GAN: variants seen among roughly 807,000 people sequenced by gnomAD.
GAN encodes the protein epididymis secretory sperm binding protein.
A neutral mutation model predicts 71.3 loss-of-function variants in GAN; 48 were observed. That is an observed-to-expected ratio of 0.67 (90% CI 0.53 to 0.86). GAN has a LOEUF of 0.86. Among genes scored for constraint, GAN ranks in the 40% least tolerant of loss-of-function variants. The probability of loss-of-function intolerance (pLI) is 0.00; values close to 1 mark genes in which losing one functional copy is unlikely to be tolerated. For synonymous variants in GAN, 386 were observed against 276.8 expected (o/e 1.39, Z -3.92); for missense variants, 928 against 770.1 (o/e 1.21, Z -2.43).
chr16:81,318,683 T>C (rs967269593), intron 1 of GAN, among the ~76,000 whole-genome samples: 1 of 152,240 alleles, frequency 6.6e-6, no homozygotes, highest in Non-Finnish European at 1.5e-5. Flanking sequence ...GCTTTATCTT[T>C]GGTCTAGCCC....
chr16:81,341,322 A>G (rs1385598728), intron 1 of GAN, among the ~76,000 whole-genome samples: 1 of 152,154 alleles, frequency 6.6e-6, no homozygotes, highest in African/African-American at 2.4e-5. Flanking sequence ...CGAGAAGAGC[A>G]ACCCCAAGAC....
intron 5 of GAN, among the ~76,000 whole-genome samples, chr16:81,361,093 C>T (rs1910658005): frequency 6.6e-6 from 1 of 152,100 alleles, no homozygotes; most frequent in Non-Finnish European, 1.5e-5. Context: ...TATGTGGTGG[C>T]ATGTGCCTGT....
chr16:81,384,746 T>G lies in GAN; in HGVS notation c.*7150T>G, dbSNP rs1332643733. ...TGAAAATCATGAATGATGTGATTTG[T>G]TCCATGTATCTGTGGAACATCCCTC... On this transcript the variant is annotated 3_prime_UTR_variant, in exon 11 of 11. Coordinates refer to ENST00000648994, the MANE Select transcript of GAN (RefSeq NM_022041.4). The G allele has an allele frequency of 6.6e-6, 1 of 152,216 alleles. No homozygotes were observed. Among genetic ancestry groups the G allele is most frequent in the Non-Finnish European group, 1.5e-5 (1 of 68,046 alleles). The allele number at this position is 152,216 out of a possible 1,614,324, so 9.4% of individuals were successfully genotyped here.
At position 81,388,085 on chromosome 16, in the gene GAN, C is replaced by G. The variant is rs1156509388; in HGVS notation, c.*10489C>G. 3 of 152,240 alleles carry G rather than the reference C, an allele frequency of 2.0e-5. No individual in the cohort carries two copies. Among genetic ancestry groups the G allele is most frequent in the African/African-American group, 7.2e-5 (3 of 41,432 alleles). 9.4% of individuals were successfully genotyped at this position (152,240 alleles called of 1,614,324 possible). On this transcript the variant is annotated 3_prime_UTR_variant, in exon 11 of 11. Transcript: ENST00000648994. ...TTCGCAGTCGGCGCATCTTTCTCTG[C>G]CAGCTTAGGGATTGCCGTCAAGGTG...
intron 1 of GAN, among the ~76,000 whole-genome samples, chr16:81,330,586 A>T (rs1909542596): frequency 6.6e-6 from 1 of 152,262 alleles, no homozygotes; most frequent in Admixed American, 6.5e-5. Flanking sequence ...TTATAAAAGA[A>T]TTTCAATTCG....
chr16:81,355,270 G>A (rs1214699809), intron 3 of GAN, among the ~76,000 whole-genome samples: 2 of 152,186 alleles, frequency 1.3e-5, no homozygotes, highest in African/African-American at 4.8e-5. Context: ...TTTCAAGAGG[G>A]AAGGTTCTGG....
intron 1 of GAN, among the ~76,000 whole-genome samples, chr16:81,317,067 C>CAGG (rs201998682): frequency 0.029 from 4,457 of 152,272 alleles, 116 homozygotes; most frequent in Non-Finnish European, 0.039. Context: ...CCATGTTGGC[C>CAGG]AGGCTGGTCT....
intron 1 of GAN, among the ~76,000 whole-genome samples, chr16:81,316,027 A>C (rs1005936152): frequency 2.6e-5 from 4 of 152,240 alleles, no homozygotes; most frequent in Non-Finnish European, 5.9e-5. Context: ...CTTGCGACAA[A>C]GGGCATTTTA....
At chr16:81,327,588 A>G (rs1216077504) in intron 1 of GAN, among the ~76,000 whole-genome samples, 1 of 150,436 alleles carries the variant, frequency 6.6e-6, no homozygotes, top group African/African-American at 2.5e-5. Context: ...GGATTTATTT[A>G]GGAGGCCTAC....
chr16:81,332,171 AAAAAAG>A (rs1176448735), intron 1 of GAN, among the ~76,000 whole-genome samples: 1 of 151,964 alleles, frequency 6.6e-6, no homozygotes, highest in South Asian at 2.1e-4. Context: ...CAAAAAAAAA[AAAAAAG>A]AAAAAGAAAA....
Position 81,385,943 on chromosome 16 carries a change from G to C in GAN, c.*8347G>C. On this transcript the variant is annotated 3_prime_UTR_variant, in exon 11 of 11. Coordinates refer to ENST00000648994, the MANE Select transcript of GAN (RefSeq NM_022041.4). ...TTTTTGTATTTTTAGAACAGGTGTG[G>C]TTTCACCATATTGCCCAGGCTGGTC... The C allele has an allele frequency of 6.6e-6, 1 of 151,936 alleles. No individual in the cohort carries two copies. The highest frequency in any genetic ancestry group is 1.9e-4 in the East Asian group (1 of 5,186). 9.4% of individuals were successfully genotyped at this position (151,936 alleles called of 1,614,324 possible).
chr16:81,369,804 T>C (rs1206286462), intron 9 of GAN, among the ~76,000 whole-genome samples: 1 of 151,786 alleles, frequency 6.6e-6, no homozygotes, highest in Non-Finnish European at 1.5e-5. Flanking sequence ...TCTCCTGACC[T>C]CTTGATCTGC....
At chr16:81,320,982 CA>C (rs1305135522) in intron 1 of GAN, among the ~76,000 whole-genome samples, 2 of 150,996 alleles carry the variant, frequency 1.3e-5, no homozygotes, top group Non-Finnish European at 2.9e-5. Context: ...CTGAGTTTTT[CA>C]AAAGCGATAA....
chr16:81,352,024 G>A (rs183601802), intron 2 of GAN, among the ~76,000 whole-genome samples: 230 of 152,210 alleles, frequency 1.5e-3, no homozygotes, highest in African/African-American at 5.3e-3. Context: ...TTGGAATCCC[G>A]ATTCCAGTCT....
intron 1 of GAN, among the ~76,000 whole-genome samples, chr16:81,341,430 T>C (rs919651842): frequency 1.3e-5 from 2 of 152,200 alleles, no homozygotes; most frequent in African/African-American, 4.8e-5. Flanking sequence ...AGACTAACAG[T>C]GGATCTCTCT....
chr16:81,365,463 A>G lies in GAN; in HGVS notation c.1487A>G (p.His496Arg), dbSNP rs1280613708. The change falls in exon 9 of 11, where the codon CAT becomes CGT. Residue 496 changes from histidine (H) to arginine (R), a missense_variant. Transcript: ENST00000648994. ...GTAACTTGCAAGTCCGAGTTCTACC[A>G]TGATGAGTTTAAAAGGTAACTAAGA... Reference protein sequence around the residue: ...EMVTCKSEFYHDEFKRWIYLN... With the variant: ...EMVTCKSEFYRDEFKRWIYLN... 5.0e-6 allele frequency: 8 copies of G among 1,613,858 alleles called. No individual in the cohort carries two copies. Among genetic ancestry groups the G allele is most frequent in the East Asian group, 4.5e-5 (2 of 44,876 alleles).
At position 81,323,578 on chromosome 16, in the gene GAN, A is replaced by G. The variant is rs190902136; in HGVS notation, c.167+8298A>G. Among the ~76,000 whole-genome samples, 377 of 152,352 alleles carry G rather than the reference A, an allele frequency of 2.5e-3. 3 individuals carry two copies. The highest frequency in any genetic ancestry group is 3.5e-3 in the Non-Finnish European group (238 of 68,032). On this transcript the variant is annotated intron_variant, in intron 1 of 10. Transcript: ENST00000648994. ...TAGCATTGTCTAAAGTTATTGAGAT[A>G]TACTGTGTATTGTTTCTTCACAGAT...
At chr16:81,360,419 G>T (rs1034026999) in intron 5 of GAN, among the ~76,000 whole-genome samples, 2 of 152,046 alleles carry the variant, frequency 1.3e-5, no homozygotes, top group African/African-American at 4.8e-5. Flanking sequence ...TGAAGTCAGT[G>T]GCAAGTCTAA....
In GAN at chr16:81,380,081, A is replaced by G. The variant is rs886052353; in HGVS notation, c.*2485A>G. On this transcript the variant is annotated 3_prime_UTR_variant, in exon 11 of 11. Coordinates refer to ENST00000648994, the MANE Select transcript of GAN (RefSeq NM_022041.4). ...AAATATTAAAATATTGTGTTGAAGT[A>G]TAGGGATGTATTTAATTTTACTATG... The G allele has an allele frequency of 3.9e-5, 6 of 152,742 alleles. No homozygotes were observed. In the South Asian group the frequency reaches 1.2e-3, roughly 32 times the overall value. 9.5% of individuals were successfully genotyped at this position (152,742 alleles called of 1,614,324 possible). A position where few individuals can be genotyped will look rare whatever the true frequency, so the allele number is the denominator to read the frequency against.
Sources: gnomAD v4.1 joint callset for allele counts (sites outside exome capture counted in the v4.1 genomes callset) on GRCh38, gnomAD v4.1.1 for gene constraint, MANE v1.5 for transcripts, NCBI Gene and HGNC (gene_info 2026-07-23, HGNC 2026-07-21) for gene names.